RSBN1L: variants seen among roughly 807,000 people sequenced by gnomAD.
RSBN1L encodes the protein lysine-specific demethylase RSBN1L.
In RSBN1L, 30 loss-of-function variants were observed where a neutral mutation model predicts 67.7. The ratio of observed to expected loss-of-function variants is 0.44; its 90% CI spans 0.33 to 0.60. The LOEUF (loss-of-function observed/expected upper bound fraction) is 0.60. Among genes scored for constraint, RSBN1L ranks in the 20% least tolerant of loss-of-function variants. RSBN1L has a pLI of 0.02. For missense variants in RSBN1L, 992 were observed against 1,031.7 expected (o/e 0.96, Z 0.53); for synonymous variants, 433 against 387.0 (o/e 1.12, Z -1.39).
chr7:77,735,059 A>C (rs950403450), intron 1 of RSBN1L, among the ~76,000 whole-genome samples: 2 of 151,924 alleles, frequency 1.3e-5, no homozygotes, highest in Non-Finnish European at 2.9e-5. Context: ...CACTTGAAAA[A>C]AAAAAACAAA....
At chr7:77,725,966 A>G (rs944854143) in intron 1 of RSBN1L, among the ~76,000 whole-genome samples, 1 of 151,986 alleles carries the variant, frequency 6.6e-6, no homozygotes, top group African/African-American at 2.4e-5. Context: ...TTTAGTTAAC[A>G]GTGTGTCTTG....
At chr7:77,718,855 G>C (rs1016281461) in intron 1 of RSBN1L, among the ~76,000 whole-genome samples, 4 of 152,174 alleles carry the variant, frequency 2.6e-5, no homozygotes, top group Non-Finnish European at 5.9e-5. Context: ...GTGTTGACTG[G>C]AGTTGCTCAT....
chr7:77,758,772 G>C (rs1446527504), intron 3 of RSBN1L, among the ~76,000 whole-genome samples: 2 of 152,052 alleles, frequency 1.3e-5, no homozygotes, highest in Non-Finnish European at 1.5e-5. Context: ...CATTTATTGT[G>C]CTCCTGTGTT....
intron 1 of RSBN1L, among the ~76,000 whole-genome samples, chr7:77,724,469 A>G (rs1437847112): frequency 1.4e-5 from 2 of 141,472 alleles, no homozygotes; most frequent in Admixed American, 7.5e-5. Context: ...TCTGTTGTCC[A>G]GGTGGGAGTA....
chr7:77,713,061 A>T (rs553693291), intron 1 of RSBN1L, among the ~76,000 whole-genome samples: 7 of 152,110 alleles, frequency 4.6e-5, no homozygotes, highest in Non-Finnish European at 1.0e-4. Context: ...TGAAGATTTT[A>T]TTATTTGCAT....
At chr7:77,719,201 C>A (rs1445804702) in intron 1 of RSBN1L, among the ~76,000 whole-genome samples, 1 of 152,092 alleles carries the variant, frequency 6.6e-6, no homozygotes, top group Non-Finnish European at 1.5e-5. Context: ...GAGCACATTC[C>A]AATTGAATTA....
chr7:77,705,094 C>G (rs1216190893), intron 1 of RSBN1L, among the ~76,000 whole-genome samples: 1 of 152,044 alleles, frequency 6.6e-6, no homozygotes, highest in Non-Finnish European at 1.5e-5. Context: ...CCCATACTAT[C>G]ATTAATTTGG....
intron 1 of RSBN1L, among the ~76,000 whole-genome samples, chr7:77,714,702 C>T (rs1280156759): frequency 3.9e-5 from 6 of 152,126 alleles, no homozygotes; most frequent in Non-Finnish European, 7.3e-5. Flanking sequence ...GTGGCTCACA[C>T]CTGTAATCCC....
chr7:77,738,231 CATAATGTGAATTATGTGAATCCAGAGATT>C (rs1475807539), intron 2 of RSBN1L, among the ~76,000 whole-genome samples: 5 of 151,878 alleles, frequency 3.3e-5, no homozygotes, highest in Non-Finnish European at 7.4e-5. Flanking sequence ...GGATTCCTAA[CATAATGTGAATTATGTGAATCCAGAGATT>C]ACACATGAAA....
chr7:77,718,182 T>A (rs780365792), intron 1 of RSBN1L, among the ~76,000 whole-genome samples: 2 of 152,200 alleles, frequency 1.3e-5, no homozygotes, highest in Non-Finnish European at 2.9e-5. Context: ...AGCTCTACAA[T>A]GTCACAGAAG....
At chr7:77,718,816 T>G (rs955207608) in intron 1 of RSBN1L, among the ~76,000 whole-genome samples, 4 of 152,242 alleles carry the variant, frequency 2.6e-5, no homozygotes, top group Non-Finnish European at 4.4e-5. Flanking sequence ...CTGGCATGAT[T>G]GGCTGGGTGA....
Position 77,696,799 on chromosome 7 carries a change from G to T in RSBN1L, c.330G>T (p.Thr110=). 6.2e-7 allele frequency: 1 copy of T among 1,613,738 alleles called. No individual in the cohort carries two copies. Among genetic ancestry groups the T allele is most frequent in the Non-Finnish European group, 8.5e-7 (1 of 1,179,992 alleles). Residue 110 remains threonine (T), a synonymous_variant, in exon 1 of 8, where the codon ACG becomes ACT. Transcript: ENST00000334955. ...GCAGTTTCTCTTTCTCCGCTGGCAC[G>T]GCCGTTCCCTCCTCAGCCTCCGCTT... ...SRSSFSFSAG[T]AVPSSASASL...
intron 1 of RSBN1L, among the ~76,000 whole-genome samples, chr7:77,719,717 G>A (rs1584280136): frequency 6.6e-6 from 1 of 152,126 alleles, no homozygotes; most frequent in Non-Finnish European, 1.5e-5. Context: ...TTTTTCACAG[G>A]CCACTTTATC....
intron 1 of RSBN1L, among the ~76,000 whole-genome samples, chr7:77,715,831 T>G (rs1429568576): frequency 6.6e-6 from 1 of 152,214 alleles, no homozygotes; most frequent in Non-Finnish European, 1.5e-5. Context: ...TTCATTGTAG[T>G]TTTAATTTAC....
intron 3 of RSBN1L, among the ~76,000 whole-genome samples, chr7:77,750,810 G>A (rs1029931623): frequency 2.6e-5 from 4 of 152,114 alleles, no homozygotes; most frequent in Non-Finnish European, 5.9e-5. Flanking sequence ...TTCTAGTTTG[G>A]AAGGAGGGAA....
intron 1 of RSBN1L, among the ~76,000 whole-genome samples, chr7:77,701,183 CAACAACAA>C (rs1790813907): frequency 7.5e-6 from 1 of 132,892 alleles, no homozygotes; most frequent in African/African-American, 2.9e-5. Context: ...ACAACAACAA[CAACAACAA>C]AAAAAAACGA....
At chr7:77,706,270 G>T (rs1480590038) in intron 1 of RSBN1L, among the ~76,000 whole-genome samples, 1 of 152,024 alleles carries the variant, frequency 6.6e-6, no homozygotes, top group East Asian at 1.9e-4. Flanking sequence ...TAGAGATGGG[G>T]TTTCACCATG....
rs578261161 is a variant in RSBN1L at position 77,726,014 on chromosome 7, A to C, written c.587-10396A>C. ...TATATATTGTTAAATTTATATACAC[A>C]TACATATACATGTGTATCTGTCTGT... On this transcript the variant is annotated intron_variant, in intron 1 of 7. Coordinates refer to ENST00000334955, the MANE Select transcript of RSBN1L (RefSeq NM_198467.3). Among the ~76,000 whole-genome samples, 48 of 152,260 alleles carry C rather than the reference A, an allele frequency of 3.2e-4. No homozygotes were observed. The South Asian group carries it at 9.5e-3, about 30-fold the overall frequency.
Position 77,749,407 on chromosome 7 carries a change from A to C in RSBN1L, c.704-17A>C. The C allele has an allele frequency of 6.6e-7, 1 of 1,506,692 alleles. No individual in the cohort carries two copies. The highest frequency in any genetic ancestry group is 8.9e-7 in the Non-Finnish European group (1 of 1,129,850). The allele number at this position is 1,506,692 out of a possible 1,614,324, so 93.3% of individuals were successfully genotyped here. On this transcript the variant is annotated splice_polypyrimidine_tract_variant and intron_variant, in intron 2 of 7. Coordinates refer to ENST00000334955, the MANE Select transcript of RSBN1L (RefSeq NM_198467.3). The stretch of plus-strand genomic sequence containing the variant: ...GTAATTAAAATATGGAGTTTCAAAA[A>C]ACATTTTTTCCAACAGGTGGGAAGG...
Sources: allele counts gnomAD v4.1 joint callset (sites outside exome capture counted in the v4.1 genomes callset), GRCh38; gene constraint gnomAD v4.1.1; transcripts MANE v1.5; gene names NCBI Gene and HGNC (gene_info 2026-07-23, HGNC 2026-07-21).